The following PDE1C variants were observed in gnomAD, a reference collection of about 807,000 sequenced individuals.
PDE1C encodes the protein dual specificity calcium/calmodulin-dependent 3',5'-cyclic nucleotide phosphodiesterase 1C.
PDE1C carries 62 observed loss-of-function variants against 93.1 expected under a neutral mutation model. That is an observed-to-expected ratio of 0.67 (90% CI 0.54 to 0.82). The LOEUF (loss-of-function observed/expected upper bound fraction) is 0.82. Ranked by LOEUF, PDE1C falls within the 40% of genes least tolerant of loss-of-function variation. PDE1C has a pLI of 0.00. For missense variants in PDE1C, 742 were observed against 884.6 expected (o/e 0.84, Z 2.04); for synonymous variants, 325 against 310.1 (o/e 1.05, Z -0.50).
chr7:32,242,232 A>G (rs949499015), intron 1 of PDE1C, among the ~76,000 whole-genome samples: 1 of 152,142 alleles, frequency 6.6e-6, no homozygotes, highest in Non-Finnish European at 1.5e-5. Flanking sequence ...TGAAAACAAA[A>G]TGGGTAAGGA....
the PDE1C span, among the ~76,000 whole-genome samples, chr7:31,620,816 A>C: frequency 2.4e-4 from 36 of 152,270 alleles, no homozygotes; most frequent in South Asian, 1.7e-3. Flanking sequence ...TACAAGCTAC[A>C]GGAGGAAATT....
At chr7:32,254,650 G>A (rs1809651294) in intron 1 of PDE1C, among the ~76,000 whole-genome samples, 1 of 152,172 alleles carries the variant, frequency 6.6e-6, no homozygotes, top group African/African-American at 2.4e-5. Flanking sequence ...TCGATGCAGA[G>A]TAAGTGTGTA....
chr7:32,032,154 C>G (rs1331567228), intron 2 of PDE1C, among the ~76,000 whole-genome samples: 2 of 152,146 alleles, frequency 1.3e-5, no homozygotes, highest in Non-Finnish European at 2.9e-5. Flanking sequence ...GTTATAATCA[C>G]ATGTGTTCTA....
intron 1 of PDE1C, among the ~76,000 whole-genome samples, chr7:32,389,567 A>G (rs1273518712): frequency 2.0e-5 from 3 of 152,196 alleles, no homozygotes; most frequent in African/African-American, 4.8e-5. Context: ...ATGACACTTC[A>G]TGGGATGCAC....
intron 15 of PDE1C, among the ~76,000 whole-genome samples, chr7:31,814,849 T>C (rs1383865077): frequency 2.6e-5 from 4 of 151,714 alleles, no homozygotes; most frequent in African/African-American, 9.7e-5. Context: ...TTAAGTAGCC[T>C]GGCCAAGGAC....
chr7:31,656,579 T>C, the PDE1C span: 3 of 645,460 alleles, frequency 4.6e-6, no homozygotes, highest in South Asian at 2.1e-4. Flanking sequence ...TACCGCTTGA[T>C]GAATGAATGA....
At position 31,914,485 on chromosome 7, in the gene PDE1C, G is replaced by A. The variant is rs960811052; in HGVS notation, c.129-33625C>T. On this transcript the variant is annotated intron_variant, in intron 2 of 17. Coordinates refer to ENST00000396191, the MANE Select transcript of PDE1C (RefSeq NM_001191057.4). ...AATGCTTACCCCAGCTATAATAAGAGGAATCTAGTGAAAGCAAATAGCAGA... is the reference window on the plus strand; with the variant it reads ...AATGCTTACCCCAGCTATAATAAGAAGAATCTAGTGAAAGCAAATAGCAGA... Among the ~76,000 whole-genome samples, 87 of 152,118 alleles carry A rather than the reference G, an allele frequency of 5.7e-4. 1 individual carries two copies. The highest frequency in any genetic ancestry group is 1.5e-4 in the Non-Finnish European group (10 of 68,014).
chr7:32,070,476 C>A, upstream of PDE1C: 5 of 1,572,028 alleles, frequency 3.2e-6, no homozygotes, highest in Non-Finnish European at 4.3e-6. Flanking sequence ...GCTCGCGATG[C>A]CCAGCCAGGC....
At chr7:32,290,452 A>G (rs1312505502) in intron 1 of PDE1C, among the ~76,000 whole-genome samples, 25 of 152,180 alleles carry the variant, frequency 1.6e-4, no homozygotes, top group Non-Finnish European at 3.5e-4. Flanking sequence ...AGGCACCTAG[A>G]GCACACTGGG....
intron 1 of PDE1C, among the ~76,000 whole-genome samples, chr7:32,288,612 G>A (rs1812150268): frequency 6.6e-6 from 1 of 152,170 alleles, no homozygotes; most frequent in South Asian, 2.1e-4. Context: ...TTTAAGAGAT[G>A]ACTGATTCCT....
chr7:32,318,993 C>G (rs532256491), intron 1 of PDE1C, among the ~76,000 whole-genome samples: 158 of 152,312 alleles, frequency 1.0e-3, no homozygotes, highest in African/African-American at 3.5e-3. Context: ...TTCAAAAGAA[C>G]CGGTGGTGAT....
chr7:32,066,564 C>T (rs187949489), intron 1 of PDE1C, among the ~76,000 whole-genome samples: 80 of 152,174 alleles, frequency 5.3e-4, no homozygotes, highest in East Asian at 9.7e-4. Flanking sequence ...CATAGAAACA[C>T]GTTTCTGACA....
chr7:32,147,574 C>T (rs1200378718), intron 3 of PDE1C, among the ~76,000 whole-genome samples: 1 of 152,072 alleles, frequency 6.6e-6, no homozygotes, highest in Non-Finnish European at 1.5e-5. Flanking sequence ...TTTGAAAAAG[C>T]TCCCAAAGCC....
At chr7:32,301,031 G>A (rs984535277), upstream of PDE1C, among the ~76,000 whole-genome samples, 1 of 151,984 alleles carries the variant, frequency 6.6e-6, no homozygotes, top group Non-Finnish European at 1.5e-5. Flanking sequence ...TAGAGGCAAG[G>A]TCTCACTATG....
rs562068102 is a variant in PDE1C, at chr7:31,933,337, G to C, written c.129-52477C>G. Among the ~76,000 whole-genome samples, 11 of 152,116 alleles carry C rather than the reference G, an allele frequency of 7.2e-5. No individual in the cohort carries two copies. The East Asian group carries it at 2.1e-3, about 29-fold the overall frequency. Reference sequence around the variant, plus strand: ...TTTTCAATTCATTGCAACATGACCAGGGTAAACACCTAAGTATTTATTTCT... The same window carrying C: ...TTTTCAATTCATTGCAACATGACCACGGTAAACACCTAAGTATTTATTTCT... On this transcript the variant is annotated intron_variant, in intron 2 of 17. Coordinates refer to ENST00000396191, the MANE Select transcript of PDE1C (RefSeq NM_001191057.4).
intron 1 of PDE1C, among the ~76,000 whole-genome samples, chr7:32,246,061 T>TGGACTCAAG (rs1021664590): frequency 4.0e-5 from 6 of 149,592 alleles, no homozygotes; most frequent in African/African-American, 1.5e-4. Flanking sequence ...CTCGAACTCC[T>TGGACTCAAG]GGACTCAAGC....
chr7:31,686,176 G>T, the PDE1C span, among the ~76,000 whole-genome samples: 1 of 152,170 alleles, frequency 6.6e-6, no homozygotes, highest in Non-Finnish European at 1.5e-5. Context: ...TCACTGGGTG[G>T]TCCATTGGCT....
chr7:32,358,446 A>G (rs190288565), intron 1 of PDE1C, among the ~76,000 whole-genome samples: 1 of 152,332 alleles, frequency 6.6e-6, no homozygotes, highest in Admixed American at 6.5e-5. Context: ...AGTTGATAAT[A>G]TAGACCACAG....
At chr7:32,000,796 C>A (rs1785360158) in intron 2 of PDE1C, among the ~76,000 whole-genome samples, 1 of 152,164 alleles carries the variant, frequency 6.6e-6, no homozygotes, top group African/African-American at 2.4e-5. Context: ...CCATTTAGTT[C>A]AAGCTCCAAT....
Sources: gnomAD v4.1 joint callset for allele counts (sites outside exome capture counted in the v4.1 genomes callset) on GRCh38, gnomAD v4.1.1 for gene constraint, MANE v1.5 for transcripts, NCBI Gene and HGNC (gene_info 2026-07-23, HGNC 2026-07-21) for gene names.